PPIE: variants seen among roughly 807,000 people sequenced by gnomAD.
PPIE encodes the protein peptidyl-prolyl cis-trans isomerase E.
Under a neutral mutation model 38.4 loss-of-function variants are expected in PPIE, and 20 were observed. That is an observed-to-expected ratio of 0.52 (90% CI 0.37 to 0.76). The LOEUF (loss-of-function observed/expected upper bound fraction) is 0.76, where lower values mean the gene tolerates loss of function less well. Ranked by LOEUF, PPIE falls within the 30% of genes least tolerant of loss-of-function variation. The pLI, the probability that PPIE is intolerant of heterozygous loss-of-function variation, is 0.00. For synonymous variants in PPIE, 142 were observed against 135.7 expected (o/e 1.05, Z -0.32); for missense variants, 322 against 385.8 (o/e 0.83, Z 1.39).
At position 39,755,098 on chromosome 1, in the gene PPIE, C is replaced by T. The variant is rs1357439903; in HGVS notation, c.*1743C>T. On this transcript the variant is annotated 3_prime_UTR_variant, in exon 10 of 10. Coordinates refer to ENST00000324379, the MANE Select transcript of PPIE (RefSeq NM_006112.4). ...TGCAGCCACTTCTTGGAGCTGGCTT[C>T]TCTCCACTCCCCCTCCAGATGCTGG... The T allele has an allele frequency of 1.0e-6, 1 of 985,336 alleles. No homozygotes were observed. The highest frequency in any genetic ancestry group is 1.7e-5 in the African/African-American group (1 of 57,234). The allele number at this position is 985,336 out of a possible 1,614,324, so 61.0% of individuals were successfully genotyped here.
chr1:39,756,503 C>T lies in PPIE; in HGVS notation c.*3148C>T, dbSNP rs371620570. On this transcript the variant is annotated 3_prime_UTR_variant, in exon 10 of 10. Coordinates refer to ENST00000324379, the MANE Select transcript of PPIE (RefSeq NM_006112.4). ...GTGTCCTCTCCAACAGCATGACAGC[C>T]GCCTCCAGGTGCTCCCAGCATCTGT... is the stretch of plus-strand genomic sequence containing the variant. The T allele has an allele frequency of 7.7e-5, 76 of 985,392 alleles. 1 individual carries two copies. In the South Asian group the frequency reaches 1.7e-3, roughly 22 times the overall value. 61.0% of individuals were successfully genotyped at this position (985,392 alleles called of 1,614,324 possible). A position where few individuals can be genotyped will look rare whatever the true frequency, so the allele number is the denominator to read the frequency against.
intron 7 of PPIE, chr1:39,748,037 A>T (rs1263412514): frequency 1.3e-5 from 2 of 152,014 alleles, no homozygotes; most frequent in Non-Finnish European, 2.9e-5. Context: ...ACCTCCAGTG[A>T]TCCTCCTGCC....
chr1:39,757,687 A>C (rs1410736197), downstream of PPIE: 2 of 152,222 alleles, frequency 1.3e-5, no homozygotes. Flanking sequence ...TGGTGCAACG[A>C]GATAAACAGG....
downstream of PPIE, chr1:39,760,615 C>CT (rs750956732): frequency 6.3e-7 from 1 of 1,589,200 alleles, no homozygotes; most frequent in Admixed American, 1.7e-5. Flanking sequence ...CAGTGGCCTC[C>CT]TCCAAGGACC....
intron 6 of PPIE, among the ~76,000 whole-genome samples, chr1:39,744,360 GT>G (rs1190402075): frequency 3.3e-5 from 5 of 152,156 alleles, no homozygotes; most frequent in Non-Finnish European, 7.3e-5. Flanking sequence ...CTGTACATGG[GT>G]TCAGGGTTCT....
At chr1:39,762,633 T>C (rs1649149851) in intron 9 of PPIE, 2 of 1,546,062 alleles carry the variant, frequency 1.3e-6, no homozygotes, top group African/African-American at 2.8e-5. Context: ...AGAAGCTTCC[T>C]GCCTGCGGTG....
At position 39,745,437 on chromosome 1, in the gene PPIE, G is replaced by C; in HGVS notation, c.447G>C (p.Gly149=). ...AGGTGTACATGGACATCAAGATTGG[G>C]AACAAGCCGGCTGGCCGCATCCAGA... The part of the protein sequence containing the change: ...NPQVYMDIKI[G]NKPAGRIQML... Residue 149 remains glycine, a synonymous_variant, in exon 7 of 10, where the codon GGG becomes GGC. Coordinates refer to ENST00000324379, the MANE Select transcript of PPIE (RefSeq NM_006112.4). 3.1e-6 allele frequency: 5 copies of C among 1,614,226 alleles called. No homozygotes were observed. The highest frequency in any genetic ancestry group is 4.2e-6 in the Non-Finnish European group (5 of 1,180,046).
At chr1:39,759,729 T>C (rs1648686949), downstream of PPIE, 1 of 152,254 alleles carries the variant, frequency 6.6e-6, no homozygotes, top group South Asian at 2.1e-4. Flanking sequence ...AAAATGTCCA[T>C]GCTCTTACAT....
At position 39,753,555 on chromosome 1, in the gene PPIE, G is replaced by T; in HGVS notation, c.*200G>T. 1 of 1,397,262 alleles carries T rather than the reference G, an allele frequency of 7.2e-7. No homozygotes were observed. The allele number at this position is 1,397,262 out of a possible 1,614,324, so 86.6% of individuals were successfully genotyped here. On this transcript the variant is annotated 3_prime_UTR_variant, in exon 10 of 10. Coordinates refer to ENST00000324379, the MANE Select transcript of PPIE (RefSeq NM_006112.4). ...ATTCCCAGGCACAGCTGTGGGCCCA[G>T]GAGCCAGCTCAGGTGCTCCCCTCCA...
At chr1:39,739,649 G>A (rs752500656) in intron 1 of PPIE, among the ~76,000 whole-genome samples, 1 of 152,120 alleles carries the variant, frequency 6.6e-6, no homozygotes, top group Non-Finnish European at 1.5e-5. Context: ...AGTTAGCTAC[G>A]TAACCGAAGC....
chr1:39,761,766 G>A (rs1170097222), downstream of PPIE, among the ~76,000 whole-genome samples: 1 of 152,156 alleles, frequency 6.6e-6, no homozygotes, highest in Non-Finnish European at 1.5e-5. Context: ...GAGAGGCCAG[G>A]CCCAGTCTCT....
chr1:39,761,895 TTGC>T, intron 9 of PPIE, among the ~76,000 whole-genome samples: 1 of 152,330 alleles, frequency 6.6e-6, no homozygotes, highest in Admixed American at 6.5e-5. Context: ...GCCTGTCTGT[TTGC>T]TGCCCAGCAG....
chr1:39,761,777 C>T (rs1039598225), intron 9 of PPIE, among the ~76,000 whole-genome samples: 1 of 152,222 alleles, frequency 6.6e-6, no homozygotes, highest in African/African-American at 2.4e-5. Context: ...CCCAGTCTCT[C>T]CCCACTGATG....
chr1:39,760,487 CAT>C (rs1557467135), downstream of PPIE: 1 of 1,614,174 alleles, frequency 6.2e-7, no homozygotes. Context: ...TTGCTGCTGT[CAT>C]AGTAGAGCAC....
intron 7 of PPIE, 99 bp downstream of exon 7, chr1:39,745,597 G>C (rs1387507018): frequency 6.4e-7 from 1 of 1,567,930 alleles, no homozygotes; most frequent in Non-Finnish European, 8.7e-7. Context: ...CCTTGATATT[G>C]CTTCTGACCT....
intron 6 of PPIE, 143 bp downstream of exon 6, chr1:39,744,067 C>A: frequency 1.7e-6 from 1 of 588,500 alleles, no homozygotes; most frequent in Non-Finnish European, 2.9e-6. Flanking sequence ...TTGGTAAAGT[C>A]AATATTGAGT....
At chr1:39,741,752 C>A in intron 3 of PPIE, 143 bp from the exon 4 acceptor site, 1 of 878,834 alleles carries the variant, frequency 1.1e-6, no homozygotes, top group Non-Finnish European at 1.8e-6. Context: ...CCAGGAAGTG[C>A]TCTTTGTTAG....
rs778640776 is a variant in PPIE at position 39,738,959 on chromosome 1, T to G, written c.31+28T>G. 6.9e-6 allele frequency: 10 copies of G among 1,443,376 alleles called. No individual in the cohort carries two copies. In the East Asian group the frequency reaches 2.7e-4, roughly 40 times the overall value. 89.4% of individuals were successfully genotyped at this position (1,443,376 alleles called of 1,614,324 possible). ...GAGCAGGAGGGGTTGCTAGGCGGAG[T>G]CTGAGTGAACGCGACCCCCAAGGGT... On this transcript the variant is annotated intron_variant, in intron 1 of 9. Coordinates refer to ENST00000324379, the MANE Select transcript of PPIE (RefSeq NM_006112.4).
At chr1:39,762,881 C>T (rs921512809) in intron 9 of PPIE, among the ~76,000 whole-genome samples, 4 of 152,214 alleles carry the variant, frequency 2.6e-5, no homozygotes, top group African/African-American at 4.8e-5. Context: ...CACGTATGTC[C>T]GTGTTTGGGT....
Sources: gnomAD v4.1 joint callset for allele counts (sites outside exome capture counted in the v4.1 genomes callset) on GRCh38, gnomAD v4.1.1 for gene constraint, MANE v1.5 for transcripts, NCBI Gene and HGNC (gene_info 2026-07-23, HGNC 2026-07-21) for gene names.